The following IRF2BPL variants were observed in gnomAD, a reference collection of about 807,000 sequenced individuals.
The protein encoded by IRF2BPL is interferon regulatory factor 2 binding protein like.
Under a neutral mutation model 51.2 loss-of-function variants are expected in IRF2BPL, and 13 were observed. The observed-to-expected ratio is 0.25, with a 90% CI of 0.17 to 0.40. The LOEUF is 0.40. Among genes scored for constraint, IRF2BPL ranks in the 10% least tolerant of loss-of-function variants. IRF2BPL has a pLI of 1.00. For synonymous variants in IRF2BPL, 768 were observed against 509.2 expected (o/e 1.51, Z -6.84); for missense variants, 1,210 against 1,111.8 (o/e 1.09, Z -1.26).
At position 77,027,472 on chromosome 14, in the gene IRF2BPL, T is replaced by C. The variant is rs7156498; in HGVS notation, c.321A>G (p.Gln107=). ...AAAAAAQQQQ[Q]QQQQQQQQQQ... ...GCTGTTGCTGCTGCTGCTGCTGCTG[T>C]TGCTGTTGCTGTTGCGCGGCGGCGG... Residue 107 remains glutamine, a synonymous_variant, in exon 1 of 1, where the codon CAA becomes CAG. Coordinates refer to ENST00000238647, the MANE Select transcript of IRF2BPL (RefSeq NM_024496.4). 34,053 of 1,363,962 alleles carry C rather than the reference T, an allele frequency of 0.025. 552 individuals carry two copies. The highest frequency in any genetic ancestry group is 0.06 in the African/African-American group (3,854 of 64,276). 84.5% of individuals were successfully genotyped at this position (1,363,962 alleles called of 1,614,324 possible).
Position 77,027,501 on chromosome 14 carries a change from C to CCCGGGGGA in IRF2BPL, c.291_292insTCCCCCGG (p.Ala98SerfsTer57). On this transcript the variant is annotated frameshift_variant, in exon 1 of 1. Transcript: ENST00000238647. LOFTEE classifies it high-confidence loss of function. Reference sequence around the variant, plus strand: ...TGTTGCTGTTGCGCGGCGGCGGCGGCGGCCGCCGCTGCTGCCGCCGCCGCC... The same window carrying CCCGGGGGA: ...TGTTGCTGTTGCGCGGCGGCGGCGGCCCGGGGGAGGCCGCCGCTGCTGCCGCCGCCGCC... 1.6e-6 allele frequency: 1 copy of CCCGGGGGA among 634,996 alleles called. No individual in the cohort carries two copies. Among genetic ancestry groups the CCCGGGGGA allele is most frequent in the Non-Finnish European group, 2.0e-6 (1 of 506,434 alleles). The allele number at this position is 634,996 out of a possible 1,614,324, so 39.3% of individuals were successfully genotyped here.
rs1885130519 is a variant in IRF2BPL, at chr14:77,026,561, G to A, written c.1232C>T (p.Pro411Leu). ...CAGCTTCAATTCGTAGTCCATGCCG[G>A]GCTTGGAGACGGCGTCGAAGGCGAA... The part of the protein sequence containing the change: ...RVFAFDAVSK[P>L]GMDYELKLFI... The change falls in exon 1 of 1, where the codon CCC becomes CTC. Residue 411 changes from proline (P) to leucine (L), a missense_variant. Pro to Leu is a moderately conservative substitution (Grantham distance 98). Transcript: ENST00000238647. The A allele has an allele frequency of 6.2e-7, 1 of 1,613,872 alleles. No homozygotes were observed.
Position 77,027,764 on chromosome 14 carries a change from C to T in IRF2BPL, c.29G>A (p.Arg10Gln). The change falls in exon 1 of 1, where the codon CGG becomes CAG. Residue 10 changes from arginine to glutamine, a missense_variant. Physicochemically the swap from Arg to Gln is conservative, Grantham distance 43. Transcript: ENST00000238647. MSAAQVSSS[R>Q]RQSCYLCDLP... Reference sequence around the variant, plus strand: ...GTCGCACAGGTAGCAAGATTGTCTCCGGGACGAGGACACCTGCGCCGCCGA... The same window carrying T: ...GTCGCACAGGTAGCAAGATTGTCTCTGGGACGAGGACACCTGCGCCGCCGA... 1.3e-6 allele frequency: 2 copies of T among 1,595,602 alleles called. No homozygotes were observed. Among genetic ancestry groups the T allele is most frequent in the Non-Finnish European group, 1.7e-6 (2 of 1,170,848 alleles).
At position 77,026,016 on chromosome 14, in the gene IRF2BPL, C is replaced by T. The variant is rs751633489; in HGVS notation, c.1777G>A (p.Ala593Thr). ...AGGFAAPGHA[A>T]GGPPPPPPPL... is the part of the protein sequence containing the mutation. Reference sequence around the variant, plus strand: ...GGGGGCGGCGGAGGCGGACCCCCCGCCGCGTGCCCCGGCGCCGCGAAGCCC... The same window carrying T: ...GGGGGCGGCGGAGGCGGACCCCCCGTCGCGTGCCCCGGCGCCGCGAAGCCC... Residue 593 changes from alanine (A) to threonine (T), a missense_variant, in exon 1 of 1, where the codon GCG becomes ACG. Coordinates refer to ENST00000238647, the MANE Select transcript of IRF2BPL (RefSeq NM_024496.4). 11 of 1,563,508 alleles carry T rather than the reference C, an allele frequency of 7.0e-6. No homozygotes were observed. Among genetic ancestry groups the T allele is most frequent in the Non-Finnish European group, 8.7e-6 (10 of 1,155,950 alleles).
At position 77,027,183 on chromosome 14, in the gene IRF2BPL, G is replaced by A. The variant is rs113178804; in HGVS notation, c.610C>T (p.Pro204Ser). 6.2e-7 allele frequency: 1 copy of A among 1,612,410 alleles called. No homozygotes were observed. Among genetic ancestry groups the A allele is most frequent in the Non-Finnish European group, 8.5e-7 (1 of 1,179,362 alleles). ...GGPNGFPKPTPEEGPPELNRQ... is the reference protein window; with the variant it reads ...GGPNGFPKPTSEEGPPELNRQ... ...TTCAGCTCTGGGGGTCCCTCCTCTGGTGTTGGTTTGGGGAAGCCGTTTGGG... is the reference window on the plus strand; with the variant it reads ...TTCAGCTCTGGGGGTCCCTCCTCTGATGTTGGTTTGGGGAAGCCGTTTGGG... Residue 204 changes from proline (P) to serine (S), a missense_variant, in exon 1 of 1, where the codon CCA (proline) becomes TCA (serine). Transcript: ENST00000238647.
rs763566558 is a variant in IRF2BPL, at chr14:77,027,772, G to A, written c.21C>T (p.Ser7=). The part of the protein sequence containing the change: MSAAQV[S]SSRRQSCYLC... ...GGTAGCAAGATTGTCTCCGGGACGA[G>A]GACACCTGCGCCGCCGACATGATGC... Residue 7 remains serine (S), a synonymous_variant, in exon 1 of 1, where the codon TCC becomes TCT. Coordinates refer to ENST00000238647, the MANE Select transcript of IRF2BPL (RefSeq NM_024496.4). 10 of 1,588,180 alleles carry A rather than the reference G, an allele frequency of 6.3e-6. No individual in the cohort carries two copies. Among genetic ancestry groups the A allele is most frequent in the South Asian group, 2.2e-5 (2 of 89,036 alleles).
At position 77,025,908 on chromosome 14, in the gene IRF2BPL, A is replaced by C; in HGVS notation, c.1885T>G (p.Ser629Ala). The C allele has an allele frequency of 6.2e-7, 1 of 1,611,682 alleles. No homozygotes were observed. Among genetic ancestry groups the C allele is most frequent in the Non-Finnish European group, 8.5e-7 (1 of 1,179,486 alleles). The change falls in exon 1 of 1, where the codon TCG (serine) becomes GCG (alanine). Residue 629 changes from serine (S) to alanine (A), a missense_variant. Physicochemically the swap from Ser to Ala is moderately conservative, Grantham distance 99 (BLOSUM62 1). Coordinates refer to ENST00000238647, the MANE Select transcript of IRF2BPL (RefSeq NM_024496.4). ...NGPSPMAALM[S>A]VADTLGTAHS... ...GCTGTGCCCAGAGTATCTGCCACCGACATGAGAGCGGCCATAGGGGACGGA... is the reference window on the plus strand; with the variant it reads ...GCTGTGCCCAGAGTATCTGCCACCGCCATGAGAGCGGCCATAGGGGACGGA...
chr14:77,026,484 C>A lies in IRF2BPL; in HGVS notation c.1309G>T (p.Val437Leu). The A allele has an allele frequency of 6.2e-7, 1 of 1,613,602 alleles. No homozygotes were observed. The highest frequency in any genetic ancestry group is 8.5e-7 in the Non-Finnish European group (1 of 1,180,014). ...CAGTCCTGATACATCTGCTTGGCCA[C>A]ACCAGATGCACTGGAGTACACGTTG... The part of the protein sequence containing the change: ...SGNVYSSASG[V>L]AKQMYQDCMK... The change falls in exon 1 of 1, where the codon GTG becomes TTG. Residue 437 changes from valine to leucine, a missense_variant. Physicochemically the swap from Val to Leu is conservative, Grantham distance 32. Coordinates refer to ENST00000238647, the MANE Select transcript of IRF2BPL (RefSeq NM_024496.4).
chr14:77,027,481 CTGTTGCGCG>C lies in IRF2BPL; in HGVS notation c.303_311del (p.Ala102_Gln104del). On this transcript the variant is annotated inframe_deletion, in exon 1 of 1. Transcript: ENST00000238647. ...GCTGCTGCTGCTGCTGTTGCTGTTGCTGTTGCGCGGCGGCGGCGGCGGCCGCCGCTGCTG... is the reference window on the plus strand; with the variant it reads ...GCTGCTGCTGCTGCTGTTGCTGTTGCGCGGCGGCGGCGGCCGCCGCTGCTG... 1.5e-6 allele frequency: 2 copies of C among 1,346,366 alleles called. No individual in the cohort carries two copies. Among genetic ancestry groups the C allele is most frequent in the Middle Eastern group, 2.8e-4 (1 of 3,634 alleles). The allele number at this position is 1,346,366 out of a possible 1,614,324, so 83.4% of individuals were successfully genotyped here.
chr14:77,027,268 T>C lies in IRF2BPL; in HGVS notation c.525A>G (p.Pro175=). The C allele has an allele frequency of 1.3e-6, 2 of 1,580,910 alleles. No individual in the cohort carries two copies. Among genetic ancestry groups the C allele is most frequent in the Non-Finnish European group, 1.7e-6 (2 of 1,168,548 alleles). Residue 175 remains proline, a synonymous_variant, in exon 1 of 1, where the codon CCA becomes CCG. Coordinates refer to ENST00000238647, the MANE Select transcript of IRF2BPL (RefSeq NM_024496.4). ...TGCTGCTTCCCAGGCTCACCGGCGGTGGCGGGTACTCGAAGCGGCTGCGCT... is the reference window on the plus strand; with the variant it reads ...TGCTGCTTCCCAGGCTCACCGGCGGCGGCGGGTACTCGAAGCGGCTGCGCT... ...VEQRSRFEYP[P]PPVSLGSSSH... is the part of the protein sequence containing the mutation.
rs781023065 is a variant in IRF2BPL, at chr14:77,025,417, C to T, written c.2376G>A (p.Lys792=). ...GCCCAGTGGTTCAAGGGTCTCTCTCCTTTTTCACTTTAACATCCCCAGCTA... is the reference window on the plus strand; with the variant it reads ...GCCCAGTGGTTCAAGGGTCTCTCTCTTTTTTCACTTTAACATCCCCAGCTA... ...TILAGDVKVK[K]ERDP The change falls in exon 1 of 1, where the codon AAG becomes AAA. Residue 792 remains lysine (K), a synonymous_variant. Coordinates refer to ENST00000238647, the MANE Select transcript of IRF2BPL (RefSeq NM_024496.4). The T allele has an allele frequency of 6.4e-7, 1 of 1,562,080 alleles. No individual in the cohort carries two copies. The highest frequency in any genetic ancestry group is 1.8e-5 in the Admixed American group (1 of 54,178).
At position 77,025,233 on chromosome 14, in the gene IRF2BPL, A is replaced by G. The variant is rs985892010; in HGVS notation, c.*169T>C. 33 of 469,976 alleles carry G rather than the reference A, an allele frequency of 7.0e-5. No homozygotes were observed. Among genetic ancestry groups the G allele is most frequent in the African/African-American group, 5.9e-4 (30 of 50,800 alleles). The allele number at this position is 469,976 out of a possible 1,614,324, so 29.1% of individuals were successfully genotyped here. On this transcript the variant is annotated 3_prime_UTR_variant, in exon 1 of 1. Coordinates refer to ENST00000238647, the MANE Select transcript of IRF2BPL (RefSeq NM_024496.4). ...TACCTTTGTTTCAAAATATAGAAAC[A>G]TACGACGAAAATAATGTCTATACAT...
Position 77,026,187 on chromosome 14 carries a change from C to T in IRF2BPL, c.1606G>A (p.Gly536Ser), listed in dbSNP as rs1885109952. 7.2e-7 allele frequency: 1 copy of T among 1,397,284 alleles called. No homozygotes were observed. The highest frequency in any genetic ancestry group is 9.2e-7 in the Non-Finnish European group (1 of 1,084,228). 86.6% of individuals were successfully genotyped at this position (1,397,284 alleles called of 1,614,324 possible). A position where few individuals can be genotyped will look rare whatever the true frequency, so the allele number is the denominator to read the frequency against. The change falls in exon 1 of 1, where the codon GGC becomes AGC. Residue 536 changes from glycine (G) to serine (S), a missense_variant. Physicochemically the swap from Gly to Ser is moderately conservative, Grantham distance 56. Transcript: ENST00000238647. ...ALPPAAPSGRGAAASLRKRKA... is the reference protein window; with the variant it reads ...ALPPAAPSGRSAAASLRKRKA... ...CTCTTGCGCAGGCTGGCGGCTGCGC[C>T]CCGGCCCGACGGCGCGGCGGGCGGC...
In IRF2BPL at chr14:77,026,897, A is replaced by T; in HGVS notation, c.896T>A (p.Leu299His). 4.6e-6 allele frequency: 7 copies of T among 1,524,210 alleles called. No individual in the cohort carries two copies. Among genetic ancestry groups the T allele is most frequent in the Non-Finnish European group, 6.2e-6 (7 of 1,136,992 alleles). The allele number at this position is 1,524,210 out of a possible 1,614,324, so 94.4% of individuals were successfully genotyped here. Residue 299 changes from leucine to histidine, a missense_variant, in exon 1 of 1, where the codon CTC becomes CAC. Coordinates refer to ENST00000238647, the MANE Select transcript of IRF2BPL (RefSeq NM_024496.4). ...PPGAPGGPAC[L>H]GGTPGVSATS... ...GGCCGATACACCCGGGGTACCCCCG[A>T]GACAAGCGGGGCCCCCAGGAGCCCC...
chr14:77,027,030 T>C lies in IRF2BPL; in HGVS notation c.763A>G (p.Asn255Asp), dbSNP rs1436641517. Residue 255 changes from asparagine (N) to aspartate (D), a missense_variant, in exon 1 of 1, where the codon AAC becomes GAC. Asn to Asp is a conservative substitution (Grantham distance 23). Transcript: ENST00000238647. ...GGGPQLTVPP[N>D]LLPQTLLNGP... ...TTAAGCAGCGTCTGCGGTAGCAGGT[T>C]GGGGGGCACGGTGAGCTGGGGGCCT... is the stretch of plus-strand genomic sequence containing the variant. 1.3e-6 allele frequency: 2 copies of C among 1,527,558 alleles called. No individual in the cohort carries two copies. Among genetic ancestry groups the C allele is most frequent in the Non-Finnish European group, 1.8e-6 (2 of 1,134,990 alleles). 94.6% of individuals were successfully genotyped at this position (1,527,558 alleles called of 1,614,324 possible).
rs781663916 is a variant in IRF2BPL at position 77,026,862 on chromosome 14, A to C, written c.931T>G (p.Ser311Ala). 1.8e-5 allele frequency: 28 copies of C among 1,596,100 alleles called. No individual in the cohort carries two copies. The highest frequency in any genetic ancestry group is 1.9e-5 in the Non-Finnish European group (22 of 1,171,826). The change falls in exon 1 of 1, where the codon TCC becomes GCC. Residue 311 changes from serine to alanine, a missense_variant. Ser to Ala is a moderately conservative substitution (Grantham distance 99). Transcript: ENST00000238647. The stretch of plus-strand genomic sequence containing the variant: ...GACGAAGAGGTCGAAGACGACGCGG[A>C]GGACGACGTGGCCGATACACCCGGG... ...GTPGVSATSS[S>A]ASSSTSSSVA... is the part of the protein sequence containing the mutation.
Position 77,025,315 on chromosome 14 carries a change from G to A in IRF2BPL, c.*87C>T, listed in dbSNP as rs1220168417. The A allele has an allele frequency of 2.2e-6, 2 of 903,342 alleles. No homozygotes were observed. The highest frequency in any genetic ancestry group is 1.7e-5 in the African/African-American group (1 of 59,690). 56.0% of individuals were successfully genotyped at this position (903,342 alleles called of 1,614,324 possible). On this transcript the variant is annotated 3_prime_UTR_variant, in exon 1 of 1. Coordinates refer to ENST00000238647, the MANE Select transcript of IRF2BPL (RefSeq NM_024496.4). Reference sequence around the variant, plus strand: ...ACAATTCTACACCTTGGGGGTGAGGGGAGGGAGGGTCGAGTTGGGTTGGGG... The same window carrying A: ...ACAATTCTACACCTTGGGGGTGAGGAGAGGGAGGGTCGAGTTGGGTTGGGG...
rs73296022 is a variant in IRF2BPL, at chr14:77,028,313, C to G, written c.-521G>C. 9.0e-3 allele frequency: 2,254 copies of G among 251,252 alleles called. 51 individuals carry two copies. Among genetic ancestry groups the G allele is most frequent in the African/African-American group, 0.048 (2,120 of 43,760 alleles). The allele number at this position is 251,252 out of a possible 1,614,324, so 15.6% of individuals were successfully genotyped here. ...GTGCCACCCGGTGCCCGGGTCCAAT[C>G]TTGCTGAAGCCGCTGCTTCCCCGGA... On this transcript the variant is annotated 5_prime_UTR_variant, in exon 1 of 1. Transcript: ENST00000238647.
In IRF2BPL at chr14:77,027,803, C is replaced by CTGGGGAAGGTAGGCCCCCG; in HGVS notation, c.-30_-12dup. The CTGGGGAAGGTAGGCCCCCG allele has an allele frequency of 1.3e-6, 2 of 1,540,144 alleles. No individual in the cohort carries two copies. Among genetic ancestry groups the CTGGGGAAGGTAGGCCCCCG allele is most frequent in the Non-Finnish European group, 1.8e-6 (2 of 1,139,144 alleles). ...CTGCGCCGCCGACATGATGCCTGCC[C>CTGGGGAAGGTAGGCCCCCG]TGGGGAAGGTAGGCCCCCGCCCGGG... On this transcript the variant is annotated 5_prime_UTR_variant, in exon 1 of 1. Transcript: ENST00000238647.
Sources: allele counts gnomAD v4.1 joint callset, GRCh38; gene constraint gnomAD v4.1.1; transcripts MANE v1.5; gene names NCBI Gene and HGNC (gene_info 2026-07-23, HGNC 2026-07-21).